Variants in NAV2 observed in about 807,000 individuals in gnomAD.
NAV2 encodes helicase, APC down-regulated 1.
In NAV2, 54 loss-of-function variants were observed where a neutral mutation model predicts 223.2. The ratio of observed to expected loss-of-function variants is 0.24; its 90% CI spans 0.19 to 0.30. The LOEUF is 0.30. Ranked by LOEUF, NAV2 falls within the 10% of genes least tolerant of loss-of-function variation. NAV2 has a pLI of 1.00. For synonymous variants in NAV2, 1,279 were observed against 1,239.3 expected, an observed-to-expected ratio of 1.03 and a Z score of -0.67; for missense variants, 2,806 against 3,147.5, an observed-to-expected ratio of 0.89 and a Z score of 2.60.
At chr11:19,452,670 T>C (rs1384920637) in intron 1 of NAV2, among the ~76,000 whole-genome samples, 1 of 152,262 alleles carries the variant, frequency 6.6e-6, no homozygotes, top group African/African-American at 2.4e-5. Context: ...TACATTAGCC[T>C]ACATTTGGGC....
intron 26 of NAV2, among the ~76,000 whole-genome samples, chr11:20,084,792 G>T (rs2060316046): frequency 1.3e-5 from 2 of 152,280 alleles, no homozygotes; most frequent in East Asian, 3.9e-4. Flanking sequence ...CTGACCAGGA[G>T]AAAAAGGAAC....
chr11:19,607,477 G>A (rs1350832714), intron 1 of NAV2, among the ~76,000 whole-genome samples: 1 of 152,206 alleles, frequency 6.6e-6, no homozygotes, highest in African/African-American at 2.4e-5. Context: ...GGTTGCAGCT[G>A]GAAGATGGGC....
chr11:19,682,319 C>G (rs116400350), intron 1 of NAV2, among the ~76,000 whole-genome samples: 346 of 152,322 alleles, frequency 2.3e-3, no homozygotes, highest in African/African-American at 7.8e-3. Context: ...CATGCCTTAT[C>G]TCATAATCCA....
At chr11:19,841,016 T>C (rs560352005) in intron 2 of NAV2, among the ~76,000 whole-genome samples, 21 of 152,322 alleles carry the variant, frequency 1.4e-4, no homozygotes, top group African/African-American at 4.8e-4. Flanking sequence ...TTCCATTCAG[T>C]GGGCATCTTG....
In NAV2 at chr11:19,823,148, A is replaced by G. The variant is rs565969053; in HGVS notation, c.268-9336A>G. Among the ~76,000 whole-genome samples the G allele has an allele frequency of 7.9e-5, 12 of 152,292 alleles. No homozygotes were observed. The South Asian group carries it at 2.5e-3, about 32-fold the overall frequency. ...TAGCCTCGACCTCCTGGGCTCAAAC[A>G]ATCCTCCTGCCTCAGCCTCTTGAGT... On this transcript the variant is annotated intron_variant, in intron 1 of 37. Coordinates refer to ENST00000349880, the MANE Select transcript of NAV2 (RefSeq NM_145117.5).
intron 14 of NAV2, among the ~76,000 whole-genome samples, chr11:20,047,038 C>A (rs1351042173): frequency 6.6e-6 from 1 of 152,158 alleles, no homozygotes; most frequent in Non-Finnish European, 1.5e-5. Context: ...GTTCTTTGTC[C>A]AGACTTGATT....
intron 6 of NAV2, among the ~76,000 whole-genome samples, chr11:19,929,075 C>T (rs577183230): frequency 1.3e-5 from 2 of 151,964 alleles, no homozygotes; most frequent in Admixed American, 6.5e-5. Flanking sequence ...GGCAACATGG[C>T]GAAACTCCAT....
At chr11:19,999,719 G>A (rs765681697) in intron 11 of NAV2, among the ~76,000 whole-genome samples, 12 of 152,118 alleles carry the variant, frequency 7.9e-5, no homozygotes, top group East Asian at 3.9e-4. Context: ...TTCAGATGCT[G>A]ACTGTGCTGC....
chr11:19,752,782 G>C (rs191375394), intron 1 of NAV2, among the ~76,000 whole-genome samples: 1 of 152,282 alleles, frequency 6.6e-6, no homozygotes, highest in African/African-American at 2.4e-5. Flanking sequence ...TCATTGGTAA[G>C]TATTAGACAA....
intron 1 of NAV2, among the ~76,000 whole-genome samples, chr11:19,425,413 T>G (rs774162671): frequency 2.4e-4 from 37 of 152,340 alleles, no homozygotes; most frequent in Non-Finnish European, 4.3e-4. Flanking sequence ...TTCTTCCAGC[T>G]GGATAGGTAC....
intron 1 of NAV2, among the ~76,000 whole-genome samples, chr11:19,795,488 T>C (rs2057817424): frequency 6.6e-6 from 1 of 152,160 alleles, no homozygotes; most frequent in Non-Finnish European, 1.5e-5. Flanking sequence ...TTGGGCAAAA[T>C]AGAAGGTAAT....
intron 26 of NAV2, 33 bp from the exon 27 acceptor site, chr11:20,090,832 C>G: frequency 6.2e-7 from 1 of 1,607,120 alleles, no homozygotes; most frequent in East Asian, 2.2e-5. Flanking sequence ...CTAAAAGGAG[C>G]TGCTTTCATC....
intron 1 of NAV2, among the ~76,000 whole-genome samples, chr11:19,598,239 A>G (rs555779855): frequency 2.5e-4 from 38 of 152,268 alleles, no homozygotes; most frequent in Admixed American, 1.8e-3. Flanking sequence ...AGACCTTTCT[A>G]GCATGCCAAA....
intron 1 of NAV2, among the ~76,000 whole-genome samples, chr11:19,351,592 A>G (rs1853315921): frequency 6.6e-6 from 1 of 152,154 alleles, no homozygotes; most frequent in Non-Finnish European, 1.5e-5. Flanking sequence ...TCTACCAGTT[A>G]AAGTTCAACT....
chr11:19,923,272 C>G (rs1032556977), intron 6 of NAV2, among the ~76,000 whole-genome samples: 5 of 152,116 alleles, frequency 3.3e-5, no homozygotes, highest in African/African-American at 7.2e-5. Context: ...TTTAAACTAT[C>G]CCATAAAATC....
chr11:19,717,290 A>AT (rs1478856100), intron 1 of NAV2, among the ~76,000 whole-genome samples: 2 of 152,176 alleles, frequency 1.3e-5, no homozygotes, highest in Non-Finnish European at 2.9e-5. Flanking sequence ...GGGATTTTAT[A>AT]ATCTAGTTGG....
chr11:19,634,882 A>G (rs2047447385), intron 1 of NAV2, among the ~76,000 whole-genome samples: 1 of 152,214 alleles, frequency 6.6e-6, no homozygotes, highest in African/African-American at 2.4e-5. Flanking sequence ...GCAGAAAATA[A>G]AGGGGAAAAT....
rs1408566058 is a variant in NAV2 at position 20,056,025 on chromosome 11, G to A, written c.4831+68G>A. ...TCCCAGGTTACTCAGTGTAGTTAAGGGTCCTCTATGCTAAGTTCACTTCCT... is the reference window on the plus strand; with the variant it reads ...TCCCAGGTTACTCAGTGTAGTTAAGAGTCCTCTATGCTAAGTTCACTTCCT... On this transcript the variant is annotated intron_variant, in intron 19 of 37. Coordinates refer to ENST00000349880, the MANE Select transcript of NAV2 (RefSeq NM_145117.5). The A allele has an allele frequency of 3.5e-6, 5 of 1,440,168 alleles. No homozygotes were observed. In the Admixed American group the frequency reaches 6.0e-5, roughly 17 times the overall value. 89.2% of individuals were successfully genotyped at this position (1,440,168 alleles called of 1,614,324 possible).
intron 1 of NAV2, among the ~76,000 whole-genome samples, chr11:19,521,485 T>C (rs112279722): frequency 5.7e-4 from 87 of 152,294 alleles, no homozygotes; most frequent in African/African-American, 1.9e-3. Context: ...TGTACATAAG[T>C]GCTCAGCAAT....
Sources: gnomAD v4.1 joint callset for allele counts (sites outside exome capture counted in the v4.1 genomes callset) on GRCh38, gnomAD v4.1.1 for gene constraint, MANE v1.5 for transcripts, NCBI Gene and HGNC (gene_info 2026-07-23, HGNC 2026-07-21) for gene names.